Variants in CCDC3 observed in about 807,000 individuals in gnomAD.
CCDC3 encodes coiled-coil domain containing 3.
Under a neutral mutation model 21.4 loss-of-function variants are expected in CCDC3, and 24 were observed. The ratio of observed to expected loss-of-function variants is 1.12; its 90% CI spans 0.81 to 1.58. CCDC3 has a LOEUF of 1.58. Among genes scored for constraint, CCDC3 ranks in the 40% most tolerant of loss-of-function variants. The pLI, the probability that CCDC3 is intolerant of heterozygous loss-of-function variation, is 0.00. For synonymous variants in CCDC3, 186 were observed against 166.0 expected (o/e 1.12, Z -0.93); for missense variants, 425 against 360.9 (o/e 1.18, Z -1.44).
At chr10:12,940,159 A>G (rs1163893858) in intron 2 of CCDC3, among the ~76,000 whole-genome samples, 1 of 152,004 alleles carries the variant, frequency 6.6e-6, no homozygotes, top group Non-Finnish European at 1.5e-5. Flanking sequence ...AATATATCAG[A>G]CTATTTCAGT....
In CCDC3 at chr10:13,051,104, A is replaced by T. The variant is rs141025498; in HGVS notation, c.-269-1163T>A. Among the ~76,000 whole-genome samples the T allele has an allele frequency of 6.8e-3, 1,037 of 152,316 alleles. 17 individuals carry two copies. Among genetic ancestry groups the T allele is most frequent in the African/African-American group, 0.024 (991 of 41,564 alleles). On this transcript the variant is annotated intron_variant, in intron 4 of 6. Coordinates refer to the CCDC3 transcript ENST00000378839. Reference sequence around the variant, plus strand: ...TGTGTCTAAATATCATCAGCAGATTAGACAAAGCTCTAATCCTTTGGGATT... The same window carrying T: ...TGTGTCTAAATATCATCAGCAGATTTGACAAAGCTCTAATCCTTTGGGATT...
At chr10:13,075,616 A>G (rs677375) in intron 3 of CCDC3, among the ~76,000 whole-genome samples, 148,916 of 152,278 alleles carry the variant, frequency 0.98, 72,902 homozygotes, top group East Asian at 1. Flanking sequence ...AGGGGAGACA[A>G]GAAGGAATAA....
At chr10:13,058,260 C>A (rs1588409628) in intron 4 of CCDC3, 1 of 1,383,636 alleles carries the variant, frequency 7.2e-7, no homozygotes, top group East Asian at 2.3e-5. Flanking sequence ...GTAAAGGCAC[C>A]TGGCTGACCA....
chr10:13,021,548 T>A (rs1836145631), intron 5 of CCDC3, among the ~76,000 whole-genome samples: 1 of 152,210 alleles, frequency 6.6e-6, no homozygotes, highest in Middle Eastern at 3.2e-3. Flanking sequence ...CTTCCTTTGT[T>A]CAGGTCTCTT....
rs569293743 is a variant in CCDC3 at position 13,031,169 on chromosome 10, C to A, written c.-2+18505G>T. 6.8e-4 allele frequency among the ~76,000 whole-genome samples: 103 copies of A among 152,276 alleles called. No individual in the cohort carries two copies. In the East Asian group the frequency reaches 0.012, roughly 17 times the overall value. On this transcript the variant is annotated intron_variant, in intron 5 of 6. Transcript: ENST00000378839. ...TCTCTCAGACCACAGTGCAATCAAA[C>A]TAGAACTCAGGATTAAGAAGCTCAC...
At chr10:12,912,424 T>A (rs1425732457) in intron 2 of CCDC3, among the ~76,000 whole-genome samples, 1 of 152,238 alleles carries the variant, frequency 6.6e-6, no homozygotes. Flanking sequence ...ATGTCGTCTT[T>A]CTAGAGGTCT....
At chr10:12,938,637 G>C (rs1305781850) in intron 2 of CCDC3, among the ~76,000 whole-genome samples, 4 of 152,214 alleles carry the variant, frequency 2.6e-5, no homozygotes, top group Non-Finnish European at 5.9e-5. Context: ...TTGAGTTAAT[G>C]TGCAAAATAC....
rs150162462 is a variant in CCDC3 at position 13,087,247 on chromosome 10, A to G, written c.-503+11278T>C. Among the ~76,000 whole-genome samples the G allele has an allele frequency of 4.2e-3, 634 of 152,248 alleles. 4 individuals carry two copies. Among genetic ancestry groups the G allele is most frequent in the Middle Eastern group, 0.017 (5 of 294 alleles). ...TGGAGAAACCCAGTCTCTACTAAAAATACAAAATTAGCCAGGCATGGTGGT... is the reference window on the plus strand; with the variant it reads ...TGGAGAAACCCAGTCTCTACTAAAAGTACAAAATTAGCCAGGCATGGTGGT... On this transcript the variant is annotated intron_variant, in intron 3 of 6. Transcript: ENST00000378839.
At chr10:13,049,060 G>A (rs954024177) in intron 5 of CCDC3, among the ~76,000 whole-genome samples, 15 of 152,152 alleles carry the variant, frequency 9.9e-5, no homozygotes, top group African/African-American at 2.9e-4. Context: ...CACCTGACTC[G>A]ATACAGGCTT....
chr10:12,986,474 T>A (rs1239033719), intron 2 of CCDC3, among the ~76,000 whole-genome samples: 1 of 152,128 alleles, frequency 6.6e-6, no homozygotes, highest in African/African-American at 2.4e-5. Flanking sequence ...ATGAATTTTT[T>A]AAAAAAGTAA....
intron 2 of CCDC3, among the ~76,000 whole-genome samples, chr10:12,915,097 T>C (rs1834330746): frequency 6.6e-6 from 1 of 152,214 alleles, no homozygotes; most frequent in Admixed American, 6.5e-5. Context: ...GACCCATTGG[T>C]GTTCAGGAAC....
intron 2 of CCDC3, among the ~76,000 whole-genome samples, chr10:12,960,152 T>TCACACACACACACACAACACACA (rs1564299318): frequency 1.5e-4 from 15 of 99,738 alleles, no homozygotes; most frequent in African/African-American, 6.1e-4. Flanking sequence ...AGACTCCATT[T>TCACACACACACACACAACACACA]CACACACACA....
intron 2 of CCDC3, among the ~76,000 whole-genome samples, chr10:12,916,084 G>C (rs1400738030): frequency 6.6e-6 from 1 of 151,936 alleles, no homozygotes; most frequent in African/African-American, 2.4e-5. Context: ...GTCTGCTGGA[G>C]AATAGCAATG....
At chr10:13,041,095 C>G (rs2131418034) in intron 5 of CCDC3, among the ~76,000 whole-genome samples, 1 of 152,192 alleles carries the variant, frequency 6.6e-6, no homozygotes, top group Non-Finnish European at 1.5e-5. Flanking sequence ...CGTCTAGCAG[C>G]CTTTTTAGTA....
chr10:12,914,491 G>C (rs1354764860), intron 2 of CCDC3, among the ~76,000 whole-genome samples: 1 of 151,978 alleles, frequency 6.6e-6, no homozygotes, highest in South Asian at 2.1e-4. Flanking sequence ...TGTCACCCAG[G>C]CTGAAGTGCA....
chr10:13,029,509 A>C (rs992327813), intron 5 of CCDC3, among the ~76,000 whole-genome samples: 1 of 152,174 alleles, frequency 6.6e-6, no homozygotes, highest in Non-Finnish European at 1.5e-5. Flanking sequence ...TGAGAGAAGA[A>C]GGCTTCAGAC....
At chr10:13,063,134 TC>T (rs1372250267) in intron 4 of CCDC3, among the ~76,000 whole-genome samples, 10 of 101,374 alleles carry the variant, frequency 9.9e-5, no homozygotes, top group African/African-American at 3.9e-4. Flanking sequence ...AAAACTTTGC[TC>T]CCCGAATGTT....
intron 2 of CCDC3, among the ~76,000 whole-genome samples, chr10:12,913,969 G>A (rs759204748): frequency 6.6e-6 from 1 of 152,142 alleles, no homozygotes; most frequent in Non-Finnish European, 1.5e-5. Context: ...TTAATGTGCT[G>A]TTGGATTCAG....
intron 2 of CCDC3, among the ~76,000 whole-genome samples, chr10:12,915,210 T>TA (rs1834332794): frequency 6.6e-6 from 1 of 152,226 alleles, no homozygotes; most frequent in South Asian, 2.1e-4. Flanking sequence ...CGATTGTGGT[T>TA]AAAAAAGATA....
Sources: allele counts gnomAD v4.1 joint callset (sites outside exome capture counted in the v4.1 genomes callset), GRCh38; gene constraint gnomAD v4.1.1; transcripts MANE v1.5; gene names NCBI Gene and HGNC (gene_info 2026-07-23, HGNC 2026-07-21).